EDIL3: variants seen among roughly 807,000 people sequenced by gnomAD.
EDIL3 encodes the protein EGF-like repeat and discoidin I-like domain-containing protein 3.
EDIL3 carries 37 observed loss-of-function variants against 67.4 expected under a neutral mutation model. The observed-to-expected ratio is 0.55, with a 90% confidence interval of 0.42 to 0.72. The LOEUF is 0.72. EDIL3 is among the 30% of genes least tolerant of loss of function. EDIL3 has a pLI of 0.00. For missense variants in EDIL3, 527 were observed against 586.3 expected, an observed-to-expected ratio of 0.90 and a Z score of 1.04; for synonymous variants, 195 against 196.3, an observed-to-expected ratio of 0.99 and a Z score of 0.05.
intron 1 of EDIL3, among the ~76,000 whole-genome samples, chr5:84,265,535 G>T (rs1358631957): frequency 1.3e-5 from 2 of 152,148 alleles, no homozygotes; most frequent in African/African-American, 2.4e-5. Context: ...AAAAGTGAAT[G>T]ATTTCATACA....
chr5:84,079,725 T>C (rs1009252511), intron 6 of EDIL3, among the ~76,000 whole-genome samples: 14 of 151,984 alleles, frequency 9.2e-5, no homozygotes, highest in African/African-American at 3.4e-4. Flanking sequence ...CAGTTCTAAA[T>C]AGACTTCCAA....
At chr5:84,359,742 T>C (rs886861222) in intron 1 of EDIL3, among the ~76,000 whole-genome samples, 6 of 152,242 alleles carry the variant, frequency 3.9e-5, no homozygotes, top group Middle Eastern at 3.4e-3. Flanking sequence ...ATCTGAAAAG[T>C]AGAAAGACTA....
intron 2 of EDIL3, among the ~76,000 whole-genome samples, chr5:84,230,278 C>T (rs1744545163): frequency 6.6e-6 from 1 of 152,038 alleles, no homozygotes; most frequent in South Asian, 2.1e-4. Flanking sequence ...AGCTACCCCA[C>T]CATCAATTTT....
chr5:84,154,797 T>C (rs548718051), intron 4 of EDIL3, among the ~76,000 whole-genome samples: 2 of 150,652 alleles, frequency 1.3e-5, no homozygotes, highest in African/African-American at 2.4e-5. Context: ...CCTCCCAGGT[T>C]CAAGCGATTC....
intron 6 of EDIL3, among the ~76,000 whole-genome samples, chr5:84,092,469 T>C (rs2112268994): frequency 6.6e-6 from 1 of 152,232 alleles, no homozygotes; most frequent in South Asian, 2.1e-4. Context: ...CTACTGAGAG[T>C]CTGCTAAACT....
chr5:84,185,573 C>A (rs114901915), intron 3 of EDIL3, among the ~76,000 whole-genome samples: 1,698 of 152,120 alleles, frequency 0.011, 32 homozygotes, highest in African/African-American at 0.035. Context: ...ATAATGAGTT[C>A]TAAAAATTAT....
rs184707662 is a variant in EDIL3, at chr5:84,023,171, T to C, written c.1137+37129A>G. ...GATGTGTTACTAAACTGGATTATCATAATGATTACAAAATACATGTATATA... is the reference window on the plus strand; with the variant it reads ...GATGTGTTACTAAACTGGATTATCACAATGATTACAAAATACATGTATATA... On this transcript the variant is annotated intron_variant, in intron 9 of 10. Coordinates refer to ENST00000296591, the MANE Select transcript of EDIL3 (RefSeq NM_005711.5). Among the ~76,000 whole-genome samples, 277 of 152,156 alleles carry C rather than the reference T, an allele frequency of 1.8e-3. 1 individual carries two copies. The highest frequency in any genetic ancestry group is 6.4e-3 in the African/African-American group (266 of 41,574).
intron 6 of EDIL3, among the ~76,000 whole-genome samples, chr5:84,091,042 A>G (rs1245465188): frequency 6.6e-6 from 1 of 152,180 alleles, no homozygotes; most frequent in Admixed American, 6.5e-5. Context: ...ACTGCCCCAC[A>G]GTCACTAACA....
chr5:83,969,662 T>C (rs1269518181), intron 9 of EDIL3, among the ~76,000 whole-genome samples: 1 of 151,872 alleles, frequency 6.6e-6, no homozygotes, highest in South Asian at 2.1e-4. Flanking sequence ...CATTGTTTCA[T>C]TTATCTTCAG....
chr5:84,059,068 T>A (rs920370215), intron 9 of EDIL3, among the ~76,000 whole-genome samples: 6 of 152,010 alleles, frequency 3.9e-5, no homozygotes, highest in African/African-American at 1.2e-4. Context: ...GTATTTCTAC[T>A]TGTGAGTATA....
intron 6 of EDIL3, among the ~76,000 whole-genome samples, chr5:84,089,220 G>C (rs2112266106): frequency 6.6e-6 from 1 of 152,310 alleles, no homozygotes; most frequent in South Asian, 2.1e-4. Context: ...AGTGTCACAT[G>C]GCAGTGGTGT....
intron 1 of EDIL3, among the ~76,000 whole-genome samples, chr5:84,305,678 A>C (rs1434974535): frequency 6.6e-6 from 1 of 152,104 alleles, no homozygotes; most frequent in East Asian, 1.9e-4. Context: ...AGGAGACGGA[A>C]ACCATCCTGG....
chr5:84,076,903 T>C (rs1746868348), intron 6 of EDIL3, among the ~76,000 whole-genome samples: 1 of 152,154 alleles, frequency 6.6e-6, no homozygotes, highest in African/African-American at 2.4e-5. Context: ...ACTCACACAA[T>C]CTTGCAAAGG....
rs1486802886 is a variant in EDIL3 at position 83,955,090 on chromosome 5, TTAAA to T, written c.1293+8111_1293+8114del. On this transcript the variant is annotated intron_variant, in intron 10 of 10. Coordinates refer to ENST00000296591, the MANE Select transcript of EDIL3 (RefSeq NM_005711.5). ...TTCTTAGTAGTTGTATAAGAATGAC[TTAAA>T]TAAAAGCATGAGTAACTTTTTTCAC... 6.7e-5 allele frequency among the ~76,000 whole-genome samples: 10 copies of T among 148,810 alleles called. No individual in the cohort carries two copies. The South Asian group carries it at 1.7e-3, about 25-fold the overall frequency.
chr5:84,134,873 C>G (rs1044907539), intron 5 of EDIL3, among the ~76,000 whole-genome samples: 1 of 152,140 alleles, frequency 6.6e-6, no homozygotes, highest in Non-Finnish European at 1.5e-5. Context: ...AGGCATGCCA[C>G]TATCACATGC....
At chr5:84,027,686 C>T (rs761197864) in intron 9 of EDIL3, among the ~76,000 whole-genome samples, 10 of 151,384 alleles carry the variant, frequency 6.6e-5, no homozygotes, top group Admixed American at 4.0e-4. Context: ...GATCTGGTAG[C>T]GAAGTGCTTA....
In EDIL3 at chr5:84,355,136, T is replaced by C. The variant is rs189969159; in HGVS notation, c.67+29172A>G. Among the ~76,000 whole-genome samples, 310 of 152,270 alleles carry C rather than the reference T, an allele frequency of 2.0e-3. 1 individual carries two copies. Among genetic ancestry groups the C allele is most frequent in the African/African-American group, 7.2e-3 (300 of 41,576 alleles). ...CAGGTACACCAATCAAACGTAAGTT[T>C]GGTCTTTTCACACAGTCCCATATTT... On this transcript the variant is annotated intron_variant, in intron 1 of 10. Coordinates refer to ENST00000296591, the MANE Select transcript of EDIL3 (RefSeq NM_005711.5).
chr5:84,179,981 A>G (rs1748985701), intron 4 of EDIL3, among the ~76,000 whole-genome samples: 1 of 149,854 alleles, frequency 6.7e-6, no homozygotes, highest in African/African-American at 2.5e-5. Flanking sequence ...AAACTGGCTT[A>G]AGGGCAGGGT....
At chr5:84,293,040 C>A (rs944402023) in intron 1 of EDIL3, among the ~76,000 whole-genome samples, 1 of 152,146 alleles carries the variant, frequency 6.6e-6, no homozygotes, top group African/African-American at 2.4e-5. Flanking sequence ...GCTTAAGTTT[C>A]GACTTCCCAA....
Sources: gnomAD v4.1 joint callset for allele counts (sites outside exome capture counted in the v4.1 genomes callset) on GRCh38, gnomAD v4.1.1 for gene constraint, MANE v1.5 for transcripts, NCBI Gene and HGNC (gene_info 2026-07-23, HGNC 2026-07-21) for gene names.